The following OR3A2 variants were observed in gnomAD, a reference collection of about 807,000 sequenced individuals.
The protein encoded by OR3A2 is olfactory receptor family 3 subfamily A member 2.
For missense variants in OR3A2, 318 were observed against 392.8 expected (o/e 0.81, Z 1.61); for synonymous variants, 126 against 159.3 (o/e 0.79, Z 1.57).
chr17:3,315,300 A>T (rs905341788), intron 3 of OR3A2, among the ~76,000 whole-genome samples: 2 of 152,218 alleles, frequency 1.3e-5, no homozygotes, highest in Non-Finnish European at 2.9e-5. Flanking sequence ...TTACATTTCC[A>T]CCAACAACGT....
intron 2 of OR3A2, among the ~76,000 whole-genome samples, chr17:3,382,823 G>T (rs1019738296): frequency 6.6e-6 from 1 of 152,200 alleles, no homozygotes; most frequent in Admixed American, 6.5e-5. Context: ...GTCTAGCAGA[G>T]GAAACCACTC....
chr17:3,293,523 T>A (rs2048894610), intron 3 of OR3A2, among the ~76,000 whole-genome samples: 1 of 152,196 alleles, frequency 6.6e-6, no homozygotes, highest in African/African-American at 2.4e-5. Flanking sequence ...GAATATCTAG[T>A]TTGGCAAAAA....
intron 1 of OR3A2, 47 bp downstream of exon 3, chr17:3,284,311 C>T (rs1371819772): frequency 6.6e-6 from 1 of 152,090 alleles, no homozygotes; most frequent in African/African-American, 2.4e-5. Context: ...ACAGAAGCCC[C>T]TTCTCTATCT....
intron 3 of OR3A2, among the ~76,000 whole-genome samples, chr17:3,322,737 C>T (rs747289385): frequency 2.0e-5 from 3 of 152,070 alleles, no homozygotes; most frequent in African/African-American, 7.2e-5. Flanking sequence ...GTCTGAGAGA[C>T]AGTTTGTTAT....
intron 1 of OR3A2, 59 bp from the exon 5 acceptor site, chr17:3,278,982 T>C: frequency 6.4e-7 from 1 of 1,572,844 alleles, no homozygotes; most frequent in South Asian, 1.2e-5. Context: ...TTATTCAACA[T>C]TAATATTTTA....
chr17:3,289,486 G>C (rs2048845178), intron 3 of OR3A2, among the ~76,000 whole-genome samples: 1 of 152,218 alleles, frequency 6.6e-6, no homozygotes, highest in Admixed American at 6.5e-5. Flanking sequence ...GAGGCTTGAA[G>C]TAAAGAGCCA....
At chr17:3,347,217 CT>C (rs1210855419) in intron 2 of OR3A2, among the ~76,000 whole-genome samples, 1 of 142,634 alleles carries the variant, frequency 7.0e-6, no homozygotes, top group Non-Finnish European at 1.5e-5. Flanking sequence ...TTTCATATGT[CT>C]GTTTGCCATT....
At chr17:3,360,906 T>G (rs1029583598) in intron 2 of OR3A2, among the ~76,000 whole-genome samples, 2 of 151,830 alleles carry the variant, frequency 1.3e-5, no homozygotes, top group African/African-American at 4.9e-5. Context: ...TCTGGGCTCC[T>G]TTTTGGCTCC....
chr17:3,353,107 G>A lies in OR3A2; in HGVS notation c.-178-16981C>T, dbSNP rs2049433699. ...TGTATCCTGCAACTTTACTGAATTT[G>A]CTTATAAGTTCTTTTTTTTTTTTTG... On this transcript the variant is annotated intron_variant, in intron 2 of 4. Transcript: ENST00000573491. Among the ~76,000 whole-genome samples the A allele has an allele frequency of 5.6e-5, 7 of 125,706 alleles. No homozygotes were observed. The South Asian group carries it at 1.8e-3, about 33-fold the overall frequency. The allele number at this position is 125,706 out of a possible 152,430, so 82.5% of individuals were successfully genotyped here. A position where few individuals can be genotyped will look rare whatever the true frequency, so the allele number is the denominator to read the frequency against.
chr17:3,348,038 GTCT>G (rs2049383459), intron 2 of OR3A2, among the ~76,000 whole-genome samples: 1 of 152,148 alleles, frequency 6.6e-6, no homozygotes, highest in African/African-American at 2.4e-5. Context: ...CTGCATAAAT[GTCT>G]TCTTTTGAGA....
intron 2 of OR3A2, among the ~76,000 whole-genome samples, chr17:3,355,207 G>A (rs1014980488): frequency 2.0e-5 from 3 of 151,276 alleles, no homozygotes; most frequent in African/African-American, 7.3e-5. Flanking sequence ...CATTTGTTTT[G>A]TGACCTAATA....
At chr17:3,347,288 C>A (rs1016945396) in intron 2 of OR3A2, among the ~76,000 whole-genome samples, 1 of 151,864 alleles carries the variant, frequency 6.6e-6, no homozygotes, top group Non-Finnish European at 1.5e-5. Context: ...TACATGTGCA[C>A]AATATGCAGG....
At position 3,323,085 on chromosome 17, in the gene OR3A2, T is replaced by C. The variant is rs1394572518; in HGVS notation, c.-85+12948A>G. ...TGGGTGCATATATATTTAGGATAGT[T>C]AGCTCTTCTTGTTGAATTGATCCCT... is the stretch of plus-strand genomic sequence containing the variant. On this transcript the variant is annotated intron_variant, in intron 3 of 4. Coordinates refer to the OR3A2 transcript ENST00000573491. Among the ~76,000 whole-genome samples, 2 of 152,184 alleles carry C rather than the reference T, an allele frequency of 1.3e-5. 1 individual carries two copies. Among genetic ancestry groups the C allele is most frequent in the African/African-American group, 4.8e-5 (2 of 41,436 alleles).
At chr17:3,301,542 T>C (rs1002247365) in intron 3 of OR3A2, among the ~76,000 whole-genome samples, 8 of 152,246 alleles carry the variant, frequency 5.3e-5, no homozygotes, top group African/African-American at 1.9e-4. Flanking sequence ...TGGGGTTGTT[T>C]GACTTTTTCT....
At chr17:3,361,311 T>C (rs1252472166) in intron 2 of OR3A2, among the ~76,000 whole-genome samples, 1 of 151,598 alleles carries the variant, frequency 6.6e-6, no homozygotes, top group African/African-American at 2.4e-5. Context: ...AAGGAGATTT[T>C]GGGCTGACAT....
At chr17:3,337,813 T>C (rs2049284560) in intron 2 of OR3A2, among the ~76,000 whole-genome samples, 1 of 152,196 alleles carries the variant, frequency 6.6e-6, no homozygotes, top group Non-Finnish European at 1.5e-5. Context: ...CTGGGTCAAA[T>C]GGTATTTCTA....
chr17:3,357,567 G>A (rs2049473924), intron 2 of OR3A2, among the ~76,000 whole-genome samples: 1 of 151,520 alleles, frequency 6.6e-6, no homozygotes, highest in African/African-American at 2.4e-5. Context: ...GAGAGGAGAA[G>A]GAGAGTTTTT....
At chr17:3,354,242 T>A (rs2049444718) in intron 2 of OR3A2, among the ~76,000 whole-genome samples, 1 of 147,854 alleles carries the variant, frequency 6.8e-6, no homozygotes, top group African/African-American at 2.6e-5. Context: ...TTTGGAACAG[T>A]TTGAATAGGA....
At chr17:3,367,534 C>G (rs2049574448) in intron 2 of OR3A2, among the ~76,000 whole-genome samples, 1 of 149,702 alleles carries the variant, frequency 6.7e-6, no homozygotes, top group African/African-American at 2.5e-5. Context: ...GCTGCAAACG[C>G]CATTATTTCA....
Sources: gnomAD v4.1 joint callset for allele counts (sites outside exome capture counted in the v4.1 genomes callset) on GRCh38, gnomAD v4.1.1 for gene constraint, MANE v1.5 for transcripts, NCBI Gene and HGNC (gene_info 2026-07-23, HGNC 2026-07-21) for gene names.